The following CHD6 variants were observed in gnomAD, a reference collection of about 807,000 sequenced individuals.
The protein encoded by CHD6 is ATP-dependent chromatin remodeler CHD6.
A neutral mutation model predicts 276.9 loss-of-function variants in CHD6; 50 were observed. The observed-to-expected ratio is 0.18, with a 90% CI of 0.14 to 0.23. CHD6 has a LOEUF of 0.23. Among genes scored for constraint, CHD6 ranks in the 10% least tolerant of loss-of-function variants. The pLI, the probability that CHD6 is intolerant of heterozygous loss-of-function variation, is 1.00. For synonymous variants in CHD6, 1,173 were observed against 1,229.3 expected (o/e 0.95, Z 0.96); for missense variants, 2,564 against 3,365.8 (o/e 0.76, Z 5.89).
chr20:41,489,740 A>T (rs757124920), intron 12 of CHD6, 38 bp downstream of exon 12: 1 of 1,612,362 alleles, frequency 6.2e-7, no homozygotes, highest in Non-Finnish European at 8.5e-7. Context: ...TTCTGAGCTT[A>T]GGCAGTCCCT....
intron 2 of CHD6, among the ~76,000 whole-genome samples, chr20:41,538,861 C>T (rs1341547274): frequency 6.6e-6 from 1 of 152,162 alleles, no homozygotes; most frequent in Admixed American, 6.5e-5. Context: ...ACAGTTTCTA[C>T]CCTTGACCCT....
chr20:41,421,907 C>T lies in CHD6; in HGVS notation c.4728G>A (p.Glu1576=), dbSNP rs781315224. Residue 1576 remains glutamate, a synonymous_variant, in exon 31 of 37, where the codon GAG becomes GAA. Coordinates refer to ENST00000373233, the MANE Select transcript of CHD6 (RefSeq NM_032221.5). ...GCAGGTCTCGATCATGCTTCCCACA[C>T]TCCCACCAGACTGGGAGGTAGAGGC... ...RPSLYLPVWW[E]CGKHDRDLLI... is the part of the protein sequence containing the mutation. 4 of 1,614,054 alleles carry T rather than the reference C, an allele frequency of 2.5e-6. No individual in the cohort carries two copies. The highest frequency in any genetic ancestry group is 1.7e-5 in the Admixed American group (1 of 60,010).
At chr20:41,419,569 A>AG (rs1322815281) in intron 31 of CHD6, among the ~76,000 whole-genome samples, 3 of 116,900 alleles carry the variant, frequency 2.6e-5, no homozygotes, top group African/African-American at 8.9e-5. Context: ...AAAAAAAAAA[A>AG]AAAAAAAAAA....
intron 3 of CHD6, among the ~76,000 whole-genome samples, chr20:41,527,037 C>T (rs570453564): frequency 6.6e-6 from 1 of 152,188 alleles, no homozygotes; most frequent in Non-Finnish European, 1.5e-5. Context: ...AATTTCTTGA[C>T]TTGCAAGAAA....
Position 41,491,832 on chromosome 20 carries a change from G to A in CHD6, c.1315-13C>T. 1 of 1,613,504 alleles carries A rather than the reference G, an allele frequency of 6.2e-7. No individual in the cohort carries two copies. The highest frequency in any genetic ancestry group is 2.2e-5 in the East Asian group (1 of 44,852). On this transcript the variant is annotated splice_polypyrimidine_tract_variant and intron_variant, in intron 10 of 36. Coordinates refer to ENST00000373233, the MANE Select transcript of CHD6 (RefSeq NM_032221.5). Reference sequence around the variant, plus strand: ...AAGCAGGCCGCTCCTAGGGAGGAAAGCAAACAGCATAATAGATAGAGAATG... The same window carrying A: ...AAGCAGGCCGCTCCTAGGGAGGAAAACAAACAGCATAATAGATAGAGAATG...
At chr20:41,569,232 T>A (rs935166484) in intron 1 of CHD6, among the ~76,000 whole-genome samples, 6 of 152,196 alleles carry the variant, frequency 3.9e-5, no homozygotes, top group African/African-American at 1.2e-4. Flanking sequence ...TGTAGTACAC[T>A]AAAAGCAGAA....
chr20:41,599,746 A>T (rs780235025), intron 1 of CHD6, among the ~76,000 whole-genome samples: 5 of 152,206 alleles, frequency 3.3e-5, no homozygotes, highest in Admixed American at 6.5e-5. Context: ...TTCCTGCTTA[A>T]TCTGTAATGA....
intron 5 of CHD6, among the ~76,000 whole-genome samples, chr20:41,505,379 T>C (rs2043952545): frequency 6.6e-6 from 1 of 152,130 alleles, no homozygotes; most frequent in Non-Finnish European, 1.5e-5. Context: ...TTTCTTTAGT[T>C]TCCAAACACT....
At chr20:41,440,837 A>G (rs1375556526) in intron 25 of CHD6, among the ~76,000 whole-genome samples, 1 of 152,258 alleles carries the variant, frequency 6.6e-6, no homozygotes, top group Non-Finnish European at 1.5e-5. Flanking sequence ...GGCCACATAA[A>G]AGGCAGAGTC....
At chr20:41,426,253 C>G (rs2047360685) in intron 27 of CHD6, 100 bp from the exon 28 acceptor site, 2 of 834,974 alleles carry the variant, frequency 2.4e-6, no homozygotes, top group Admixed American at 1.7e-5. Context: ...CGCATAAGAG[C>G]TGTCCCCTGC....
Position 41,423,474 on chromosome 20 carries a change from T to C in CHD6, c.4555+18A>G. ...TCTTTCCTTGTATCATCTGACAATA[T>C]ACTGATAGTTTTCTCACCGCCATCT... On this transcript the variant is annotated intron_variant, in intron 30 of 36. Coordinates refer to ENST00000373233, the MANE Select transcript of CHD6 (RefSeq NM_032221.5). The C allele has an allele frequency of 6.2e-7, 1 of 1,606,530 alleles. No individual in the cohort carries two copies. Among genetic ancestry groups the C allele is most frequent in the East Asian group, 2.2e-5 (1 of 44,836 alleles).
In CHD6 at chr20:41,484,607, C is replaced by G; in HGVS notation, c.2002G>C (p.Val668Leu). The G allele has an allele frequency of 1.9e-6, 3 of 1,613,656 alleles. No homozygotes were observed. The highest frequency in any genetic ancestry group is 2.5e-6 in the Non-Finnish European group (3 of 1,179,752). ...TTTAGGATAGACTGCAGTTTCTTTA[C>G]CTGTCCAGGGAAATGAGACCTAGTT... ...EFGDLKTEEQVKKLQSILKPM... is the reference protein window; with the variant it reads ...EFGDLKTEEQLKKLQSILKPM... Residue 668 changes from valine (V) to leucine (L), a missense_variant and splice_region_variant, in exon 15 of 37, where the codon GTA becomes CTA. Val to Leu is a conservative substitution (Grantham distance 32). Coordinates refer to ENST00000373233, the MANE Select transcript of CHD6 (RefSeq NM_032221.5).
rs58169591 is a variant in CHD6 at position 41,559,147 on chromosome 20, G to GACAC, written c.-23-7791_-23-7788dup. Among the ~76,000 whole-genome samples the GACAC allele has an allele frequency of 7.3e-3, 1,083 of 148,266 alleles. 4 individuals are homozygous for GACAC. The highest frequency in any genetic ancestry group is 0.01 in the Admixed American group (151 of 14,848). On this transcript the variant is annotated intron_variant, in intron 1 of 36. Transcript: ENST00000373233. ...GGTTTTAAGCTTATTGCCTGTTCCTGACACACACACACACACACACACACA... is the reference window on the plus strand; with the variant it reads ...GGTTTTAAGCTTATTGCCTGTTCCTGACACACACACACACACACACACACACACA...
At chr20:41,585,220 G>A (rs941019478) in intron 1 of CHD6, among the ~76,000 whole-genome samples, 1 of 152,136 alleles carries the variant, frequency 6.6e-6, no homozygotes, top group Non-Finnish European at 1.5e-5. Flanking sequence ...AAGATATAGA[G>A]TAGCCAGGTG....
intron 1 of CHD6, among the ~76,000 whole-genome samples, chr20:41,552,388 G>C (rs1030685171): frequency 1.3e-5 from 2 of 152,172 alleles, no homozygotes; most frequent in African/African-American, 4.8e-5. Context: ...AGTCTTAATA[G>C]AGCTTTTAAG....
At chr20:41,416,508 C>A in intron 33 of CHD6, 80 bp downstream of exon 33, 1 of 1,339,960 alleles carries the variant, frequency 7.5e-7, no homozygotes, top group Non-Finnish European at 1.0e-6. Context: ...TAAATACTTG[C>A]TGAATGAATG....
At chr20:41,485,633 T>G (rs2145839728) in intron 14 of CHD6, 1 of 152,270 alleles carries the variant, frequency 6.6e-6, no homozygotes, top group South Asian at 2.1e-4. Context: ...TTTACTGTGT[T>G]TTAAAATACA....
intron 14 of CHD6, chr20:41,485,640 T>C (rs2043394350): frequency 6.6e-6 from 1 of 151,468 alleles, no homozygotes; most frequent in Non-Finnish European, 1.5e-5. Context: ...TGTTTTAAAA[T>C]ACAGACATCT....
intron 9 of CHD6, 75 bp downstream of exon 9, chr20:41,493,783 G>A: frequency 6.4e-7 from 1 of 1,565,994 alleles, no homozygotes; most frequent in Non-Finnish European, 8.8e-7. Context: ...ATACCACTAA[G>A]ACAAGGGTCA....
Sources: gnomAD v4.1 joint callset for allele counts (sites outside exome capture counted in the v4.1 genomes callset) on GRCh38, gnomAD v4.1.1 for gene constraint, MANE v1.5 for transcripts, NCBI Gene and HGNC (gene_info 2026-07-23, HGNC 2026-07-21) for gene names.